The following BCKDHB variants were observed in gnomAD, a reference collection of about 807,000 sequenced individuals.
BCKDHB encodes 2-oxoisovalerate dehydrogenase subunit beta, mitochondrial.
BCKDHB carries 41 observed loss-of-function variants against 48.5 expected under a neutral mutation model. That is an observed-to-expected ratio of 0.85 (90% CI 0.66 to 1.10). The LOEUF (loss-of-function observed/expected upper bound fraction) is 1.10, where lower values mean the gene tolerates loss of function less well. BCKDHB is among the 50% of genes least tolerant of loss of function. The pLI is 0.00. For synonymous variants in BCKDHB, 201 were observed against 174.8 expected, an observed-to-expected ratio of 1.15 and a Z score of -1.18; for missense variants, 496 against 494.2, an observed-to-expected ratio of 1.00 and a Z score of -0.03.
At chr6:80,280,718 C>T (rs1028839853) in intron 9 of BCKDHB, among the ~76,000 whole-genome samples, 3 of 152,138 alleles carry the variant, frequency 2.0e-5, no homozygotes, top group South Asian at 2.1e-4. Context: ...TTGCTTAATG[C>T]GTTTCTCAAA....
intron 8 of BCKDHB, among the ~76,000 whole-genome samples, chr6:80,203,724 TAC>T (rs889051688): frequency 9.2e-5 from 14 of 152,108 alleles, no homozygotes; most frequent in Admixed American, 2.6e-4. Flanking sequence ...TCCTCTAATT[TAC>T]AGTTTCTATC....
chr6:80,313,693 T>G lies in BCKDHB; in HGVS notation c.1039-29971T>G, dbSNP rs1768286696. Among the ~76,000 whole-genome samples, 3 of 152,136 alleles carry G rather than the reference T, an allele frequency of 2.0e-5. No individual in the cohort carries two copies. In the South Asian group the frequency reaches 6.2e-4, roughly 32 times the overall value. ...CCGCGCCTGACCTATTTTATTAATT[T>G]TTTCAAAAAACCAGATCCTAGATTT... On this transcript the variant is annotated intron_variant, in intron 9 of 9. Coordinates refer to ENST00000320393, the MANE Select transcript of BCKDHB (RefSeq NM_183050.4).
the BCKDHB span, chr6:80,355,707 T>C: frequency 5.9e-5 from 9 of 152,112 alleles, no homozygotes; most frequent in African/African-American, 2.2e-4. Flanking sequence ...TCCCTAATTA[T>C]TTTGGGGAAT....
chr6:80,366,403 CT>C, the BCKDHB span, among the ~76,000 whole-genome samples: 1 of 152,142 alleles, frequency 6.6e-6, no homozygotes, highest in Admixed American at 6.5e-5. Flanking sequence ...TAGTGCAACC[CT>C]AGCACATGCT....
chr6:80,270,791 G>A (rs139028151), intron 8 of BCKDHB, among the ~76,000 whole-genome samples: 285 of 152,202 alleles, frequency 1.9e-3, no homozygotes, highest in African/African-American at 6.7e-3. Context: ...CTGGCTCCCT[G>A]CGTTGTTAGT....
chr6:80,463,085 C>G, the BCKDHB span: 4 of 152,152 alleles, frequency 2.6e-5, no homozygotes, highest in Admixed American at 6.6e-5. Context: ...AAGTGAGGAG[C>G]TAAAAATTGC....
intron 9 of BCKDHB, among the ~76,000 whole-genome samples, chr6:80,273,520 T>A (rs762692556): frequency 5.3e-5 from 8 of 152,130 alleles, no homozygotes; most frequent in Non-Finnish European, 1.0e-4. Flanking sequence ...TTGCTTGTAT[T>A]TGCTACGTTA....
At chr6:80,376,552 T>C in the BCKDHB span, among the ~76,000 whole-genome samples, 1 of 152,202 alleles carries the variant, frequency 6.6e-6, no homozygotes, top group East Asian at 1.9e-4. Context: ...TTTTCTGGTA[T>C]GTTCTTGTGG....
intron 1 of BCKDHB, among the ~76,000 whole-genome samples, chr6:80,116,814 A>G (rs1302361151): frequency 6.6e-6 from 1 of 152,226 alleles, no homozygotes; most frequent in African/African-American, 2.4e-5. Flanking sequence ...TGATTGCATA[A>G]TTAGGTAACT....
chr6:80,208,297 A>G (rs6913535), intron 8 of BCKDHB, among the ~76,000 whole-genome samples: 1,563 of 151,942 alleles, frequency 0.01, 29 homozygotes, highest in African/African-American at 0.036. Context: ...TGAAGATAGA[A>G]TATATCAAAA....
At position 80,184,565 on chromosome 6, in the gene BCKDHB, G is replaced by T. The variant is rs150982178; in HGVS notation, c.742+13175G>T. On this transcript the variant is annotated intron_variant, in intron 6 of 9. Coordinates refer to ENST00000320393, the MANE Select transcript of BCKDHB (RefSeq NM_183050.4). The stretch of plus-strand genomic sequence containing the variant: ...TACTTTATAGGGAGGTTCTATTTTG[G>T]TATATTTCAAGGTTTTGTTTCAAGA... 1.7e-3 allele frequency among the ~76,000 whole-genome samples: 265 copies of T among 151,944 alleles called. 1 individual carries two copies. Among genetic ancestry groups the T allele is most frequent in the African/African-American group, 6.1e-3 (251 of 41,416 alleles).
At chr6:80,303,793 A>G (rs1040604595) in intron 9 of BCKDHB, among the ~76,000 whole-genome samples, 1 of 151,684 alleles carries the variant, frequency 6.6e-6, no homozygotes, top group African/African-American at 2.4e-5. Flanking sequence ...CCTCTAATTA[A>G]CTCCCTCTCC....
intron 9 of BCKDHB, among the ~76,000 whole-genome samples, chr6:80,314,638 G>C (rs1462713168): frequency 6.6e-6 from 1 of 152,158 alleles, no homozygotes; most frequent in Non-Finnish European, 1.5e-5. Context: ...CCATGCTGTG[G>C]AACCACTTTT....
the BCKDHB span, among the ~76,000 whole-genome samples, chr6:80,425,078 A>C: frequency 2.1e-4 from 32 of 152,342 alleles, no homozygotes; most frequent in East Asian, 5.4e-3. Context: ...GAAGTGGAAC[A>C]GCTCACTGAT....
intron 9 of BCKDHB, among the ~76,000 whole-genome samples, chr6:80,329,685 T>C (rs1313810307): frequency 6.6e-6 from 1 of 152,154 alleles, no homozygotes; most frequent in East Asian, 1.9e-4. Context: ...CAGGCTCCTT[T>C]CTGCATTCCT....
At chr6:80,174,494 A>G (rs1341002151) in intron 6 of BCKDHB, among the ~76,000 whole-genome samples, 1 of 152,146 alleles carries the variant, frequency 6.6e-6, no homozygotes, top group Non-Finnish European at 1.5e-5. Flanking sequence ...CCCTCCATAT[A>G]TGTGCCTTTC....
At chr6:80,445,852 T>C in the BCKDHB span, among the ~76,000 whole-genome samples, 1 of 152,232 alleles carries the variant, frequency 6.6e-6, no homozygotes, top group Non-Finnish European at 1.5e-5. Context: ...AAACCTGCCA[T>C]GTTAAACTGT....
At chr6:80,360,509 C>T in the BCKDHB span, among the ~76,000 whole-genome samples, 8 of 152,024 alleles carry the variant, frequency 5.3e-5, no homozygotes, top group Admixed American at 2.6e-4. Context: ...AAGTGATCTC[C>T]GAATGTAATC....
chr6:80,391,515 T>C, the BCKDHB span, among the ~76,000 whole-genome samples: 2 of 152,106 alleles, frequency 1.3e-5, no homozygotes, highest in Admixed American at 6.6e-5. Context: ...GGATTGCCAA[T>C]AGTCACCAGA....
Sources: allele counts gnomAD v4.1 joint callset (sites outside exome capture counted in the v4.1 genomes callset), GRCh38; gene constraint gnomAD v4.1.1; transcripts MANE v1.5; gene names NCBI Gene and HGNC (gene_info 2026-07-23, HGNC 2026-07-21).